Variants in PCDHGA1 observed in about 807,000 individuals in gnomAD.
The protein encoded by PCDHGA1 is protocadherin gamma subfamily A, 1.
A neutral mutation model predicts 58.0 loss-of-function variants in PCDHGA1; 32 were observed. The observed-to-expected ratio is 0.55, with a 90% CI of 0.42 to 0.74. PCDHGA1 has a LOEUF of 0.74. PCDHGA1 is among the 30% of genes least tolerant of loss of function. The probability of loss-of-function intolerance (pLI) is 0.00; values close to 1 mark genes in which losing one functional copy is unlikely to be tolerated. For synonymous variants in PCDHGA1, 498 were observed against 501.1 expected (o/e 0.99, Z 0.08); for missense variants, 1,205 against 1,182.3 (o/e 1.02, Z -0.28).
At chr5:141,360,837 T>C in intron 1 of PCDHGA1, 1 of 1,613,970 alleles carries the variant, frequency 6.2e-7, no homozygotes, top group African/African-American at 1.3e-5. Context: ...AAGTCACGGA[T>C]GCCAACGATA....
intron 1 of PCDHGA1, chr5:141,441,502 T>G (rs2098250414): frequency 5.8e-6 from 1 of 173,754 alleles, no homozygotes; most frequent in African/African-American, 2.4e-5. Context: ...CTACCAGGCC[T>G]CCTACGTCGT....
rs772637812 is a variant in PCDHGA1 at position 141,408,685 on chromosome 5, TATAAAC to T, written c.2421+75587_2421+75592del. On this transcript the variant is annotated intron_variant, in intron 1 of 3. Transcript: ENST00000517417. ...CGCTTGACCCTGCCACGGATCCTGA[TATAAAC>T]ATAAACTCAATTAAAGATTATAAGA... 8 of 1,613,994 alleles carry T rather than the reference TATAAAC, an allele frequency of 5.0e-6. No individual in the cohort carries two copies. The Admixed American group carries it at 1.0e-4, about 20-fold the overall frequency.
chr5:141,404,790 A>T, intron 1 of PCDHGA1: 1 of 1,611,288 alleles, frequency 6.2e-7, no homozygotes, highest in East Asian at 2.2e-5. Context: ...AAGGCCAGTG[A>T]GCCAGGGCTC....
At position 141,497,209 on chromosome 5, in the gene PCDHGA1, T is replaced by TG. The variant is rs11343387; in HGVS notation, c.2480+2353dup. On this transcript the variant is annotated intron_variant, in intron 2 of 3. Coordinates refer to ENST00000517417, the MANE Select transcript of PCDHGA1 (RefSeq NM_018912.3). ...GAGGCAGAGAACAATGTGAGTGTAA[T>TG]GGGGGGGGGAAGATCAGAGAAGGCT... Among the ~76,000 whole-genome samples the TG allele has an allele frequency of 1.3e-3, 196 of 151,342 alleles. 1 individual carries two copies. The South Asian group carries it at 0.02, about 15-fold the overall frequency.
rs57426385 is a variant in PCDHGA1 at position 141,415,740 on chromosome 5, G to GTTTTTTTTTTTTTT, written c.2422-79048_2422-79035dup. 1.9e-4 allele frequency: 117 copies of GTTTTTTTTTTTTTT among 625,018 alleles called. 7 individuals are homozygous for GTTTTTTTTTTTTTT. Among genetic ancestry groups the GTTTTTTTTTTTTTT allele is most frequent in the African/African-American group, 5.0e-4 (20 of 39,930 alleles). 38.7% of individuals were successfully genotyped at this position (625,018 alleles called of 1,614,324 possible). A position where few individuals can be genotyped will look rare whatever the true frequency, so the allele number is the denominator to read the frequency against. On this transcript the variant is annotated intron_variant, in intron 1 of 3. Coordinates refer to ENST00000517417, the MANE Select transcript of PCDHGA1 (RefSeq NM_018912.3). ...TGAGTAGAATTTGATGTTTATTAAGGTTTTTTTTTTTTTTTTTTTTTTTTT... is the reference window on the plus strand; with the variant it reads ...TGAGTAGAATTTGATGTTTATTAAGGTTTTTTTTTTTTTTTTTTTTTTTTTTTTTTTTTTTTTTT...
intron 1 of PCDHGA1, chr5:141,441,551 T>C (rs2098254450): frequency 5.4e-6 from 1 of 184,050 alleles, no homozygotes; most frequent in African/African-American, 2.4e-5. Flanking sequence ...GCCTCCATAG[T>C]GTGCAAGTAG....
At position 141,331,527 on chromosome 5, in the gene PCDHGA1, T is replaced by C. The variant is rs777343253; in HGVS notation, c.843T>C (p.Phe281=). Residue 281 remains phenylalanine, a synonymous_variant, in exon 1 of 4, where the codon TTT becomes TTC. Coordinates refer to ENST00000517417, the MANE Select transcript of PCDHGA1 (RefSeq NM_018912.3). ...EGANGEVTYS[F]HNVDHRVAQI... ...CCAATGGGGAAGTAACGTACTCCTT[T>C]CACAATGTAGACCACAGAGTGGCCC... The C allele has an allele frequency of 2.3e-5, 37 of 1,614,058 alleles. No homozygotes were observed. Among genetic ancestry groups the C allele is most frequent in the Non-Finnish European group, 3.1e-5 (36 of 1,180,050 alleles).
At chr5:141,456,204 C>A (rs867187371) in intron 1 of PCDHGA1, among the ~76,000 whole-genome samples, 17 of 152,222 alleles carry the variant, frequency 1.1e-4, no homozygotes, top group South Asian at 2.1e-4. Context: ...CTACCACATT[C>A]CTCCCTGTGG....
At chr5:141,422,348 A>G (rs1163115969) in intron 1 of PCDHGA1, 1 of 1,554,608 alleles carries the variant, frequency 6.4e-7, no homozygotes, top group Non-Finnish European at 8.7e-7. Context: ...AATGTGCAAG[A>G]TCAAGATTCT....
chr5:141,430,939 G>A, intron 1 of PCDHGA1: 1 of 1,607,854 alleles, frequency 6.2e-7, no homozygotes, highest in South Asian at 1.1e-5. Flanking sequence ...GGGAGCTCGC[G>A]GAGCGCGGAG....
intron 1 of PCDHGA1, chr5:141,404,584 C>T: frequency 6.2e-7 from 1 of 1,613,980 alleles, no homozygotes; most frequent in Non-Finnish European, 8.5e-7. Flanking sequence ...CACTTAGCAG[C>T]AATGTGTCAT....
intron 1 of PCDHGA1, chr5:141,383,239 A>G: frequency 6.2e-7 from 1 of 1,613,966 alleles, no homozygotes; most frequent in Non-Finnish European, 8.5e-7. Flanking sequence ...GGAAGATAAA[A>G]TGAATCTTTA....
At chr5:141,417,460 A>G (rs1160577617) in intron 1 of PCDHGA1, 1 of 180,404 alleles carries the variant, frequency 5.5e-6, no homozygotes, top group Non-Finnish European at 1.1e-5. Flanking sequence ...GACCAAGTGG[A>G]AATATATTTC....
rs922468473 is a variant in PCDHGA1, at chr5:141,334,846, T to A, written c.2421+1741T>A. 6.6e-6 allele frequency among the ~76,000 whole-genome samples: 1 copy of A among 152,014 alleles called. No individual in the cohort carries two copies. Among genetic ancestry groups the A allele is most frequent in the Non-Finnish European group, 1.5e-5 (1 of 68,012 alleles). On this transcript the variant is annotated intron_variant, in intron 1 of 3. Coordinates refer to ENST00000517417, the MANE Select transcript of PCDHGA1 (RefSeq NM_018912.3). The surrounding 1 kb of genome is among the most constrained non-coding windows in gnomAD (Gnocchi z 4.6). ...CAGATAGAAACTATTTCAAAACCAT[T>A]ACAAATGAGCACTGAACCCAGGAGG...
Position 141,485,057 on chromosome 5 carries a change from C to T in PCDHGA1, c.2422-9750C>T. 1 of 843,720 alleles carries T rather than the reference C, an allele frequency of 1.2e-6. No individual in the cohort carries two copies. The highest frequency in any genetic ancestry group is 1.9e-6 in the Non-Finnish European group (1 of 524,586). 52.3% of individuals were successfully genotyped at this position (843,720 alleles called of 1,614,324 possible). On this transcript the variant is annotated intron_variant, in intron 1 of 3. Transcript: ENST00000517417. This position sits in a 1 kb window ranked among gnomAD's most constrained non-coding sequence, Gnocchi z 5.7. The stretch of plus-strand genomic sequence containing the variant: ...GTAACCCTTGCGGCGCCGGCCGAAC[C>T]GCGCCAGAGCTGGCGCGGGGAAAGG...
In PCDHGA1 at chr5:141,355,471, G is replaced by C. The variant is rs1316340611; in HGVS notation, c.2421+22366G>C. 1.9e-6 allele frequency: 3 copies of C among 1,614,102 alleles called. No homozygotes were observed. Among genetic ancestry groups the C allele is most frequent in the East Asian group, 2.2e-5 (1 of 44,890 alleles). On this transcript the variant is annotated intron_variant, in intron 1 of 3. Coordinates refer to ENST00000517417, the MANE Select transcript of PCDHGA1 (RefSeq NM_018912.3). Reference sequence around the variant, plus strand: ...CACCTTGGTCACCGCGGGTAGGATAGACAGGGAGGAGCTCTGCGACAGATC... The same window carrying C: ...CACCTTGGTCACCGCGGGTAGGATACACAGGGAGGAGCTCTGCGACAGATC...
At chr5:141,355,668 A>G in intron 1 of PCDHGA1, 3 of 1,614,018 alleles carry the variant, frequency 1.9e-6, no homozygotes, top group Non-Finnish European at 2.5e-6. Context: ...CTCTTCCTGA[A>G]GCTTTTGATC....
At chr5:141,359,921 GAA>G in intron 1 of PCDHGA1, 2 of 444,504 alleles carry the variant, frequency 4.5e-6, no homozygotes, top group East Asian at 3.4e-5. Flanking sequence ...AGTTTCCTGA[GAA>G]AACCTCTGAG....
At chr5:141,422,872 C>T (rs773469060) in intron 1 of PCDHGA1, 19 of 1,614,134 alleles carry the variant, frequency 1.2e-5, no homozygotes, top group African/African-American at 2.7e-5. Flanking sequence ...CAACGTGTCG[C>T]TGAGCCTGTT....
Sources: gnomAD v4.1 joint callset for allele counts (sites outside exome capture counted in the v4.1 genomes callset) on GRCh38, gnomAD v4.1.1 for gene constraint, Gnocchi (gnomAD v3.1) non-coding constraint, MANE v1.5 for transcripts, NCBI Gene and HGNC (gene_info 2026-07-23, HGNC 2026-07-21) for gene names.